EBF1: variants seen among roughly 807,000 people sequenced by gnomAD.
The protein encoded by EBF1 is EBF transcription factor 1.
Under a neutral mutation model 68.4 loss-of-function variants are expected in EBF1, and 10 were observed. The observed-to-expected ratio is 0.15, with a 90% CI of 0.09 to 0.25. The LOEUF (loss-of-function observed/expected upper bound fraction) is 0.25, where lower values mean the gene tolerates loss of function less well. Among genes scored for constraint, EBF1 ranks in the 10% least tolerant of loss-of-function variants. The pLI is 1.00. For missense variants in EBF1, 509 were observed against 794.4 expected (o/e 0.64, Z 4.32); for synonymous variants, 298 against 299.8 (o/e 0.99, Z 0.06).
intron 6 of EBF1, among the ~76,000 whole-genome samples, chr5:159,005,124 C>T (rs1332687607): frequency 6.6e-6 from 1 of 152,190 alleles, no homozygotes; most frequent in Non-Finnish European, 1.5e-5. Flanking sequence ...CCTTGACATT[C>T]ATCCAGAACA....
chr5:158,941,425 G>A (rs1023889432), intron 6 of EBF1, among the ~76,000 whole-genome samples: 4 of 152,114 alleles, frequency 2.6e-5, no homozygotes, highest in African/African-American at 7.2e-5. Context: ...GAAGATATTC[G>A]TTCATCCTGT....
intron 14 of EBF1, among the ~76,000 whole-genome samples, chr5:158,710,618 A>G (rs980145647): frequency 1.3e-4 from 20 of 152,194 alleles, no homozygotes; most frequent in Non-Finnish European, 1.5e-5. Flanking sequence ...ATTCCAAACT[A>G]AGATGAAATG....
At chr5:159,060,933 T>TACACACACACACAC (rs72070397) in intron 6 of EBF1, among the ~76,000 whole-genome samples, 40 of 143,692 alleles carry the variant, frequency 2.8e-4, no homozygotes, top group African/African-American at 9.9e-4. Flanking sequence ...TAAAGCTACA[T>TACACACACACACAC]ACACACACAC....
At chr5:158,745,284 G>T (rs1767308712) in intron 10 of EBF1, among the ~76,000 whole-genome samples, 1 of 152,130 alleles carries the variant, frequency 6.6e-6, no homozygotes, top group Admixed American at 6.5e-5. Flanking sequence ...TGAGATGGTG[G>T]AAACCAATTT....
At chr5:159,044,175 T>C (rs1771845716) in intron 6 of EBF1, among the ~76,000 whole-genome samples, 1 of 152,220 alleles carries the variant, frequency 6.6e-6, no homozygotes, top group African/African-American at 2.4e-5. Flanking sequence ...AACCAGAATG[T>C]TTAACTACAT....
At chr5:158,863,003 T>C (rs1443454845) in intron 6 of EBF1, among the ~76,000 whole-genome samples, 1 of 152,200 alleles carries the variant, frequency 6.6e-6, no homozygotes, top group East Asian at 1.9e-4. Flanking sequence ...ACTCAAATTA[T>C]ATGTGATCTC....
chr5:158,701,073 C>G (rs1476121609), intron 15 of EBF1, among the ~76,000 whole-genome samples: 1 of 152,200 alleles, frequency 6.6e-6, no homozygotes, highest in Non-Finnish European at 1.5e-5. Flanking sequence ...CCCAGCATGG[C>G]TCTGCCTCCC....
chr5:158,852,374 G>A (rs539801661), intron 6 of EBF1, among the ~76,000 whole-genome samples: 29 of 152,060 alleles, frequency 1.9e-4, no homozygotes, highest in African/African-American at 6.0e-4. Flanking sequence ...GCATCTTCAT[G>A]TGTTGCCTGT....
At chr5:158,984,299 C>T (rs915295346) in intron 6 of EBF1, among the ~76,000 whole-genome samples, 1 of 152,146 alleles carries the variant, frequency 6.6e-6, no homozygotes, top group African/African-American at 2.4e-5. Context: ...ATGTTTCTAA[C>T]TCTATTCTCT....
At chr5:158,745,858 A>G (rs182213301) in intron 10 of EBF1, among the ~76,000 whole-genome samples, 2 of 152,312 alleles carry the variant, frequency 1.3e-5, no homozygotes, top group African/African-American at 2.4e-5. Context: ...GAAGAAACCA[A>G]TCAGCCTCCA....
chr5:158,898,153 G>A (rs1802538141), intron 6 of EBF1, among the ~76,000 whole-genome samples: 1 of 152,088 alleles, frequency 6.6e-6, no homozygotes, highest in African/African-American at 2.4e-5. Flanking sequence ...AATATCAAAA[G>A]CAGCACTGTT....
intron 6 of EBF1, among the ~76,000 whole-genome samples, chr5:158,879,906 C>T (rs62385364): frequency 7.2e-5 from 11 of 152,218 alleles, no homozygotes; most frequent in South Asian, 4.1e-4. Flanking sequence ...CTCTCTCTCC[C>T]GAACCAGGCT....
chr5:158,970,089 ACT>A (rs1233036763), intron 6 of EBF1, among the ~76,000 whole-genome samples: 1 of 152,156 alleles, frequency 6.6e-6, no homozygotes, highest in South Asian at 2.1e-4. Flanking sequence ...TAACACTGAG[ACT>A]TTTTTTGCTC....
chr5:158,906,838 TGGA>T (rs755928440), intron 6 of EBF1, among the ~76,000 whole-genome samples: 2 of 152,216 alleles, frequency 1.3e-5, no homozygotes, highest in African/African-American at 2.4e-5. Context: ...TTCAAAGAAA[TGGA>T]GGAGACACAG....
chr5:158,774,986 A>G (rs557550768), intron 10 of EBF1, among the ~76,000 whole-genome samples: 14 of 146,184 alleles, frequency 9.6e-5, no homozygotes, highest in Non-Finnish European at 2.1e-4. Flanking sequence ...AGAATATTTA[A>G]AAAAAAAAAA....
intron 10 of EBF1, among the ~76,000 whole-genome samples, chr5:158,733,890 A>G (rs1287482083): frequency 2.0e-5 from 3 of 152,206 alleles, no homozygotes; most frequent in Non-Finnish European, 2.9e-5. Context: ...GACTAGAGAA[A>G]AAAAGTAAAC....
chr5:158,857,477 T>C (rs1794256617), intron 6 of EBF1, among the ~76,000 whole-genome samples: 1 of 152,100 alleles, frequency 6.6e-6, no homozygotes, highest in South Asian at 2.1e-4. Context: ...GAAGACCAAA[T>C]TTCACTCACA....
chr5:158,731,923 C>A (rs1398329715), intron 10 of EBF1, among the ~76,000 whole-genome samples: 1 of 152,210 alleles, frequency 6.6e-6, no homozygotes, highest in African/African-American at 2.4e-5. Context: ...ACATTGACTA[C>A]ACACTCTTTA....
chr5:158,997,102 T>C (rs1761568970), intron 6 of EBF1, among the ~76,000 whole-genome samples: 1 of 152,132 alleles, frequency 6.6e-6, no homozygotes, highest in Non-Finnish European at 1.5e-5. Context: ...CTTTGTCTAC[T>C]CCTCAAGACT....
Sources: gnomAD v4.1 joint callset for allele counts (sites outside exome capture counted in the v4.1 genomes callset) on GRCh38, gnomAD v4.1.1 for gene constraint, MANE v1.5 for transcripts, NCBI Gene and HGNC (gene_info 2026-07-23, HGNC 2026-07-21) for gene names.